The following GMPR variants were observed in gnomAD, a reference collection of about 807,000 sequenced individuals.
The protein encoded by GMPR is guanosine monophosphate reductase.
In GMPR, 31 loss-of-function variants were observed where a neutral mutation model predicts 38.4. The ratio of observed to expected loss-of-function variants is 0.81; its 90% CI spans 0.61 to 1.09. The LOEUF is 1.09. Ranked by LOEUF, GMPR falls within the 50% of genes least tolerant of loss-of-function variation. The probability of loss-of-function intolerance (pLI) is 0.00; values close to 1 mark genes in which losing one functional copy is unlikely to be tolerated. For synonymous variants in GMPR, 162 were observed against 173.3 expected, an observed-to-expected ratio of 0.93 and a Z score of 0.51; for missense variants, 468 against 453.7, an observed-to-expected ratio of 1.03 and a Z score of -0.29.
chr6:16,266,916 C>A (rs551723778), intron 4 of GMPR, among the ~76,000 whole-genome samples: 1 of 152,090 alleles, frequency 6.6e-6, no homozygotes, highest in Non-Finnish European at 1.5e-5. Flanking sequence ...CCTTTAAGAG[C>A]TGTAACACTC....
chr6:16,254,405 G>A (rs1758933008), intron 3 of GMPR, among the ~76,000 whole-genome samples, 157 bp from the exon 4 acceptor site: 1 of 152,212 alleles, frequency 6.6e-6, no homozygotes, highest in South Asian at 2.1e-4. Flanking sequence ...CTTTACCTCT[G>A]CTGTTGCATG....
At chr6:16,267,116 C>T (rs547468507) in intron 4 of GMPR, among the ~76,000 whole-genome samples, 1 of 152,224 alleles carries the variant, frequency 6.6e-6, no homozygotes, top group African/African-American at 2.4e-5. Flanking sequence ...GTAATCCCGG[C>T]ACTTTGGGAG....
At position 16,289,157 on chromosome 6, in the gene GMPR, G is replaced by A. The variant is rs112281815; in HGVS notation, c.698-1305G>A. Among the ~76,000 whole-genome samples the A allele has an allele frequency of 2.1e-3, 319 of 152,256 alleles. 4 individuals carry two copies. Among genetic ancestry groups the A allele is most frequent in the African/African-American group, 7.0e-3 (290 of 41,540 alleles). On this transcript the variant is annotated intron_variant, in intron 7 of 8. Coordinates refer to ENST00000259727, the MANE Select transcript of GMPR (RefSeq NM_006877.4). ...CTTTTATGAGCTGTGCTATTTGCCG[G>A]GAAGGTCTATAGCTTCATTTTTGAG...
rs1196800525 is a variant in GMPR, at chr6:16,254,794, T to A, written c.465+59T>A. The A allele has an allele frequency of 3.3e-6, 4 of 1,225,090 alleles. No individual in the cohort carries two copies. In the Admixed American group the frequency reaches 6.8e-5, roughly 21 times the overall value. 75.9% of individuals were successfully genotyped at this position (1,225,090 alleles called of 1,614,324 possible). Reference sequence around the variant, plus strand: ...TCAAGATGGGGAAGCCACGAGGGAGTTGTTCAATGTGTCGGGGGAGCTGTA... The same window carrying A: ...TCAAGATGGGGAAGCCACGAGGGAGATGTTCAATGTGTCGGGGGAGCTGTA... On this transcript the variant is annotated intron_variant, in intron 4 of 8. Coordinates refer to ENST00000259727, the MANE Select transcript of GMPR (RefSeq NM_006877.4).
At chr6:16,275,758 T>A (rs1759460742) in intron 5 of GMPR, among the ~76,000 whole-genome samples, 1 of 152,212 alleles carries the variant, frequency 6.6e-6, no homozygotes, top group African/African-American at 2.4e-5. Context: ...ACTAGTCACC[T>A]GTTTAATCAG....
intron 4 of GMPR, among the ~76,000 whole-genome samples, chr6:16,260,756 T>C (rs1351009428): frequency 1.3e-5 from 2 of 151,796 alleles, no homozygotes; most frequent in African/African-American, 4.8e-5. Context: ...AAATCAAGCG[T>C]GATCAGGGTG....
chr6:16,284,758 G>A (rs914308720), intron 6 of GMPR, among the ~76,000 whole-genome samples: 1 of 152,110 alleles, frequency 6.6e-6, no homozygotes, highest in Admixed American at 6.5e-5. Context: ...GGTGGTGCAC[G>A]CCTGTAATCC....
rs11755161 is a variant in GMPR, at chr6:16,260,242, C to T, written c.465+5507C>T. Among the ~76,000 whole-genome samples the T allele has an allele frequency of 4.2e-3, 639 of 151,822 alleles. 6 individuals are homozygous for T. The highest frequency in any genetic ancestry group is 6.8e-3 in the Middle Eastern group (2 of 294). On this transcript the variant is annotated intron_variant, in intron 4 of 8. Coordinates refer to ENST00000259727, the MANE Select transcript of GMPR (RefSeq NM_006877.4). ...TCTACTTTTCCTGAAGACTGAGGACCGTAAGGGATATAAAGGTTTCACTGA... is the reference window on the plus strand; with the variant it reads ...TCTACTTTTCCTGAAGACTGAGGACTGTAAGGGATATAAAGGTTTCACTGA...
intron 6 of GMPR, among the ~76,000 whole-genome samples, chr6:16,285,491 C>A (rs563313193): frequency 6.6e-6 from 1 of 152,226 alleles, no homozygotes; most frequent in Non-Finnish European, 1.5e-5. Flanking sequence ...CCGCTCACAG[C>A]CCCTGCTGCC....
chr6:16,246,786 A>T (rs1390416543), intron 1 of GMPR, 56 bp from the exon 2 acceptor site: 16 of 1,568,154 alleles, frequency 1.0e-5, no homozygotes, highest in Non-Finnish European at 1.3e-5. Flanking sequence ...CACATTTCAC[A>T]TAAGAGCAAA....
chr6:16,261,990 A>G (rs1271287281), intron 4 of GMPR, among the ~76,000 whole-genome samples: 1 of 151,818 alleles, frequency 6.6e-6, no homozygotes, highest in African/African-American at 2.4e-5. Flanking sequence ...GCAGGTGGGG[A>G]TAACTAAAAA....
intron 4 of GMPR, among the ~76,000 whole-genome samples, chr6:16,271,546 G>C (rs910760875): frequency 6.6e-6 from 1 of 152,116 alleles, no homozygotes; most frequent in Non-Finnish European, 1.5e-5. Context: ...TAAAGTTTTT[G>C]TGGTTTTGTT....
At chr6:16,279,921 A>T (rs1358707998) in intron 6 of GMPR, among the ~76,000 whole-genome samples, 1 of 152,230 alleles carries the variant, frequency 6.6e-6, no homozygotes, top group Non-Finnish European at 1.5e-5. Context: ...GGGACGCGTT[A>T]GTAATTCAGG....
At chr6:16,264,708 T>A (rs1759157054) in intron 4 of GMPR, among the ~76,000 whole-genome samples, 1 of 152,068 alleles carries the variant, frequency 6.6e-6, no homozygotes, top group Non-Finnish European at 1.5e-5. Context: ...GTAGGGGAGC[T>A]TTTGAGCCAG....
chr6:16,275,509 A>G (rs1028479374), intron 5 of GMPR, among the ~76,000 whole-genome samples: 6 of 152,220 alleles, frequency 3.9e-5, no homozygotes, highest in African/African-American at 1.4e-4. Flanking sequence ...GGAGATTTTC[A>G]AGGTTAAGTT....
intron 7 of GMPR, among the ~76,000 whole-genome samples, chr6:16,287,192 C>G (rs1759703154): frequency 6.6e-6 from 1 of 152,214 alleles, no homozygotes; most frequent in Non-Finnish European, 1.5e-5. Flanking sequence ...AGGGAGAATA[C>G]AGAGCCTCTG....
chr6:16,240,842 G>T (rs1758635236), intron 1 of GMPR, among the ~76,000 whole-genome samples: 1 of 152,028 alleles, frequency 6.6e-6, no homozygotes, highest in Admixed American at 6.6e-5. Flanking sequence ...TATGTTCGTG[G>T]GAGTTTGCCA....
chr6:16,286,586 G>A lies in GMPR; in HGVS notation c.697+751G>A, dbSNP rs574714267. ...GGTGGCAGGAAACTTTATGTCATAG[G>A]AATTCTGTTTTTTTGTTTTTTGGTT... On this transcript the variant is annotated intron_variant, in intron 7 of 8. Transcript: ENST00000259727. 7.2e-5 allele frequency among the ~76,000 whole-genome samples: 11 copies of A among 152,196 alleles called. No individual in the cohort carries two copies. In the East Asian group the frequency reaches 2.1e-3, roughly 29 times the overall value.
Position 16,238,759 on chromosome 6 carries a change from C to G in GMPR, c.66C>G (p.Ser22Arg). Residue 22 changes from serine to arginine, a missense_variant, in exon 1 of 9, where the codon AGC (serine) becomes AGG (arginine). By Grantham distance (110) the Ser-to-Arg change is moderately radical. Coordinates refer to ENST00000259727, the MANE Select transcript of GMPR (RefSeq NM_006877.4). ...ATGTCCTGCTCCGACCTAAGCGGAGCAGCCTCAAGAGCCGAGCCGAGGTGG... is the reference window on the plus strand; with the variant it reads ...ATGTCCTGCTCCGACCTAAGCGGAGGAGCCTCAAGAGCCGAGCCGAGGTGG... Reference protein sequence around the residue: ...FKDVLLRPKRSSLKSRAEVDL... With the variant: ...FKDVLLRPKRRSLKSRAEVDL... 6.8e-7 allele frequency: 1 copy of G among 1,469,996 alleles called. No individual in the cohort carries two copies. The highest frequency in any genetic ancestry group is 9.1e-7 in the Non-Finnish European group (1 of 1,097,280). 91.1% of individuals were successfully genotyped at this position (1,469,996 alleles called of 1,614,324 possible).
Sources: gnomAD v4.1 joint callset for allele counts (sites outside exome capture counted in the v4.1 genomes callset) on GRCh38, gnomAD v4.1.1 for gene constraint, MANE v1.5 for transcripts, NCBI Gene and HGNC (gene_info 2026-07-23, HGNC 2026-07-21) for gene names.